Variants in CNTN4 observed in about 807,000 individuals in gnomAD.
CNTN4 encodes the protein contactin 4.
A neutral mutation model predicts 122.5 loss-of-function variants in CNTN4; 77 were observed. That is an observed-to-expected ratio of 0.63 (90% CI 0.52 to 0.76). The LOEUF is 0.76. CNTN4 is among the 30% of genes least tolerant of loss of function. CNTN4 has a pLI of 0.00. For missense variants in CNTN4, 1,256 were observed against 1,259.1 expected, an observed-to-expected ratio of 1.00 and a Z score of 0.04; for synonymous variants, 512 against 447.0, an observed-to-expected ratio of 1.15 and a Z score of -1.83.
rs76787676 is a variant in CNTN4 at position 2,176,103 on chromosome 3, C to A, written c.-145+75464C>A. On this transcript the variant is annotated intron_variant, in intron 2 of 24. Coordinates refer to ENST00000418658, the MANE Select transcript of CNTN4 (RefSeq NM_175607.3). ...GTCTAAATGCACTGCCTTGTAGCTT[C>A]CATGCACAGGTACTTGTCATGCTTC... is the stretch of plus-strand genomic sequence containing the variant. 9.2e-3 allele frequency among the ~76,000 whole-genome samples: 1,407 copies of A among 152,240 alleles called. 24 individuals carry two copies. Among genetic ancestry groups the A allele is most frequent in the African/African-American group, 0.032 (1,318 of 41,560 alleles).
intron 14 of CNTN4, among the ~76,000 whole-genome samples, chr3:3,001,512 C>T (rs911828806): frequency 6.6e-6 from 1 of 152,182 alleles, no homozygotes; most frequent in Non-Finnish European, 1.5e-5. Flanking sequence ...AACCCACAGA[C>T]TTGTATTGTT....
chr3:2,808,404 C>T (rs982065729), intron 6 of CNTN4, among the ~76,000 whole-genome samples: 2 of 152,006 alleles, frequency 1.3e-5, no homozygotes, highest in African/African-American at 4.8e-5. Context: ...GAATTACAAC[C>T]TGCTAATTTT....
chr3:3,031,068 T>C (rs1187144004), intron 16 of CNTN4, 93 bp downstream of exon 16: 2 of 1,535,540 alleles, frequency 1.3e-6, no homozygotes, highest in Non-Finnish European at 1.8e-6. Flanking sequence ...TTTAGAATTA[T>C]GGGAAAAAGT....
chr3:2,681,653 A>G (rs1055706711), intron 4 of CNTN4, among the ~76,000 whole-genome samples: 1 of 152,126 alleles, frequency 6.6e-6, no homozygotes, highest in Admixed American at 6.6e-5. Flanking sequence ...ACATGTATGT[A>G]TATTCTGTAT....
rs116236814 is a variant in CNTN4, at chr3:2,920,502, G to A, written c.1208-5127G>A. Among the ~76,000 whole-genome samples the A allele has an allele frequency of 5.0e-3, 760 of 151,802 alleles. 5 individuals carry two copies. Among genetic ancestry groups the A allele is most frequent in the African/African-American group, 0.018 (724 of 41,360 alleles). ...AAGATGTAACCATTGGGGGAGACGG[G>A]GTGAAGGATGCACAGGACCTTTCTG... On this transcript the variant is annotated intron_variant, in intron 12 of 24. Transcript: ENST00000418658.
chr3:2,282,736 A>G (rs1396651510), intron 2 of CNTN4, among the ~76,000 whole-genome samples: 1 of 152,214 alleles, frequency 6.6e-6, no homozygotes, highest in East Asian at 1.9e-4. Flanking sequence ...CCCAAAGTAG[A>G]AACAACTCAA....
intron 2 of CNTN4, among the ~76,000 whole-genome samples, chr3:2,196,334 CTG>C (rs1390117114): frequency 1.3e-5 from 2 of 152,166 alleles, no homozygotes; most frequent in East Asian, 1.9e-4. Flanking sequence ...GTGAACCCTA[CTG>C]TGAATCCTGG....
intron 3 of CNTN4, among the ~76,000 whole-genome samples, chr3:2,345,744 G>A (rs534236931): frequency 3.9e-5 from 6 of 152,124 alleles, no homozygotes; most frequent in Non-Finnish European, 5.9e-5. Context: ...TATTATGATC[G>A]AGAAGCAGAG....
intron 3 of CNTN4, among the ~76,000 whole-genome samples, chr3:2,541,608 C>T (rs1467774487): frequency 6.6e-6 from 1 of 152,050 alleles, no homozygotes; most frequent in African/African-American, 2.4e-5. Context: ...ATCATTTTCT[C>T]AGGATATCTG....
chr3:2,457,991 C>A (rs2049062490), intron 3 of CNTN4, among the ~76,000 whole-genome samples: 1 of 147,546 alleles, frequency 6.8e-6, no homozygotes, highest in Non-Finnish European at 1.5e-5. Flanking sequence ...CCTGCTCAGA[C>A]CAAACATCTC....
intron 3 of CNTN4, among the ~76,000 whole-genome samples, chr3:2,450,294 G>A (rs1045223549): frequency 1.3e-5 from 2 of 152,004 alleles, no homozygotes; most frequent in African/African-American, 4.8e-5. Flanking sequence ...TTGAGCCTGG[G>A]AGGTCAAGGC....
chr3:2,878,704 C>T lies in CNTN4; in HGVS notation c.653-4441C>T, dbSNP rs932585878. On this transcript the variant is annotated intron_variant, in intron 8 of 24. Coordinates refer to ENST00000418658, the MANE Select transcript of CNTN4 (RefSeq NM_175607.3). Reference sequence around the variant, plus strand: ...AATGTTTTATGTCAGTAGTTACTCACTGAACACCTACAAGTGAAGAGCCTG... The same window carrying T: ...AATGTTTTATGTCAGTAGTTACTCATTGAACACCTACAAGTGAAGAGCCTG... 4.6e-5 allele frequency among the ~76,000 whole-genome samples: 7 copies of T among 152,194 alleles called. No individual in the cohort carries two copies. The South Asian group carries it at 1.5e-3, about 32-fold the overall frequency.
At chr3:3,004,949 G>A (rs1304402288) in intron 14 of CNTN4, among the ~76,000 whole-genome samples, 3 of 152,174 alleles carry the variant, frequency 2.0e-5, no homozygotes, top group Non-Finnish European at 2.9e-5. Context: ...GAAGCAAGTT[G>A]AAGCTCCTTC....
chr3:2,187,841 A>T (rs1219182603), intron 2 of CNTN4, among the ~76,000 whole-genome samples: 2 of 152,080 alleles, frequency 1.3e-5, no homozygotes, highest in African/African-American at 4.8e-5. Flanking sequence ...TCTGCCTCTG[A>T]AACATGGGTT....
At chr3:2,913,664 A>C (rs2094324908) in intron 12 of CNTN4, among the ~76,000 whole-genome samples, 1 of 152,234 alleles carries the variant, frequency 6.6e-6, no homozygotes, top group Non-Finnish European at 1.5e-5. Context: ...AAGTGTATGA[A>C]GCAAACATTG....
intron 3 of CNTN4, among the ~76,000 whole-genome samples, chr3:2,499,401 T>C (rs1029242491): frequency 6.6e-6 from 1 of 152,212 alleles, no homozygotes; most frequent in African/African-American, 2.4e-5. Flanking sequence ...GATTAAATAA[T>C]AATGATGGTT....
chr3:2,830,426 C>T (rs115695689), intron 7 of CNTN4, among the ~76,000 whole-genome samples: 81 of 152,322 alleles, frequency 5.3e-4, no homozygotes, highest in African/African-American at 1.7e-3. Context: ...ATCCATAAGG[C>T]TAAATGATCT....
intron 3 of CNTN4, among the ~76,000 whole-genome samples, chr3:2,541,492 C>T (rs2149300314): frequency 6.6e-6 from 1 of 152,142 alleles, no homozygotes; most frequent in East Asian, 1.9e-4. Flanking sequence ...TCTGATAGCA[C>T]TTAGTAAAGC....
chr3:2,321,494 AT>A (rs2043276029), intron 2 of CNTN4, among the ~76,000 whole-genome samples: 1 of 152,084 alleles, frequency 6.6e-6, no homozygotes. Flanking sequence ...ATGAGAAGAG[AT>A]TTTTATTAAG....
Sources: gnomAD v4.1 joint callset for allele counts (sites outside exome capture counted in the v4.1 genomes callset) on GRCh38, gnomAD v4.1.1 for gene constraint, MANE v1.5 for transcripts, NCBI Gene and HGNC (gene_info 2026-07-23, HGNC 2026-07-21) for gene names.